RYR2: variants seen among roughly 807,000 people sequenced by gnomAD.
RYR2 encodes the protein cardiac muscle ryanodine receptor-calcium release channel.
A neutral mutation model predicts 601.1 loss-of-function variants in RYR2; 227 were observed. The ratio of observed to expected loss-of-function variants is 0.38; its 90% CI spans 0.34 to 0.42. The LOEUF is 0.42. RYR2 is among the 10% of genes least tolerant of loss of function. The probability of loss-of-function intolerance (pLI) is 1.00; values close to 1 mark genes in which losing one functional copy is unlikely to be tolerated. For synonymous variants in RYR2, 2,223 were observed against 2,175.1 expected (o/e 1.02, Z -0.61); for missense variants, 4,646 against 6,156.5 (o/e 0.75, Z 8.21).
intron 2 of RYR2, among the ~76,000 whole-genome samples, chr1:237,321,053 C>T (rs1695583956): frequency 6.6e-6 from 1 of 151,914 alleles, no homozygotes; most frequent in Non-Finnish European, 1.5e-5. Context: ...CTGATATGAC[C>T]TTGTGGAAGG....
At chr1:237,647,904 T>G (rs191948522) in intron 48 of RYR2, among the ~76,000 whole-genome samples, 20 of 152,362 alleles carry the variant, frequency 1.3e-4, no homozygotes, top group African/African-American at 4.6e-4. Flanking sequence ...GAAAGCAATA[T>G]GACCCTTAAA....
At chr1:237,089,447 A>G (rs1666712575) in intron 1 of RYR2, among the ~76,000 whole-genome samples, 1 of 152,218 alleles carries the variant, frequency 6.6e-6, no homozygotes, top group Non-Finnish European at 1.5e-5. Context: ...ACTAGTTCAG[A>G]TATGTCCCTA....
chr1:237,350,607 A>ATG (rs1698738835), intron 3 of RYR2, among the ~76,000 whole-genome samples: 3 of 85,686 alleles, frequency 3.5e-5, no homozygotes, highest in African/African-American at 1.5e-4. Context: ...AAAAAAATAT[A>ATG]TATATATATA....
At chr1:237,482,010 T>G (rs1289401081) in intron 17 of RYR2, among the ~76,000 whole-genome samples, 1 of 152,154 alleles carries the variant, frequency 6.6e-6, no homozygotes, top group Non-Finnish European at 1.5e-5. Flanking sequence ...TAGCATTTAT[T>G]AAACCCTAAG....
intron 1 of RYR2, among the ~76,000 whole-genome samples, chr1:237,203,682 C>T (rs1681452455): frequency 6.6e-6 from 1 of 152,060 alleles, no homozygotes; most frequent in Admixed American, 6.6e-5. Flanking sequence ...TTCATTAAAA[C>T]TGTAGTAAAA....
Position 237,284,693 on chromosome 1 carries a change from C to CACACACACAT in RYR2, c.168+14081_168+14082insACACATACAC, listed in dbSNP as rs1691339915. 1.3e-5 allele frequency among the ~76,000 whole-genome samples: 2 copies of CACACACACAT among 149,888 alleles called. 1 individual carries two copies. The highest frequency in any genetic ancestry group is 4.9e-5 in the African/African-American group (2 of 40,656). ...ATATATATATATATGTACACACACA[C>CACACACACAT]ACACCCATAAACACCCCCCCACACA... On this transcript the variant is annotated intron_variant, in intron 2 of 104. Coordinates refer to ENST00000366574, the MANE Select transcript of RYR2 (RefSeq NM_001035.3).
chr1:237,323,688 G>A (rs995065694), intron 2 of RYR2, among the ~76,000 whole-genome samples: 1 of 152,138 alleles, frequency 6.6e-6, no homozygotes, highest in Non-Finnish European at 1.5e-5. Flanking sequence ...CTGCTAAGTT[G>A]GCACAGCTGT....
intron 29 of RYR2, among the ~76,000 whole-genome samples, chr1:237,578,385 A>G (rs945993357): frequency 6.6e-6 from 1 of 152,166 alleles, no homozygotes; most frequent in South Asian, 2.1e-4. Context: ...GAACTCCCCA[A>G]GCAAAATGAA....
intron 12 of RYR2, among the ~76,000 whole-genome samples, chr1:237,430,712 G>T (rs1706717233): frequency 6.6e-6 from 1 of 152,114 alleles, no homozygotes; most frequent in Admixed American, 6.5e-5. Flanking sequence ...GCACATTTTT[G>T]ATTTGTTTAT....
Position 237,610,984 on chromosome 1 carries a change from A to C in RYR2, c.4906A>C (p.Asn1636His). ...CATGTCTCTTCATATCCCTGAGGAA[A>C]ACAGGTCAGCCCCAGTGAATCCCTG... ...QFMSLHIPEENRSVDILELTE... is the reference protein window; with the variant it reads ...QFMSLHIPEEHRSVDILELTE... Residue 1636 changes from asparagine to histidine, a missense_variant, in exon 36 of 105, where the codon AAC becomes CAC. Physicochemically the swap from Asn to His is moderately conservative, Grantham distance 68. Around this residue, in one of 17 missense-constraint regions of RYR2, gnomAD observed 1,807 missense variants for 2,088.1 expected, o/e 0.87. Coordinates refer to ENST00000366574, the MANE Select transcript of RYR2 (RefSeq NM_001035.3). The surrounding 1 kb of genome is among the most constrained non-coding windows in gnomAD (Gnocchi z 4.9). 6.2e-7 allele frequency: 1 copy of C among 1,611,174 alleles called. No homozygotes were observed. Among genetic ancestry groups the C allele is most frequent in the Non-Finnish European group, 8.5e-7 (1 of 1,178,568 alleles).
chr1:237,202,039 G>C (rs991270180), intron 1 of RYR2, among the ~76,000 whole-genome samples: 2 of 152,192 alleles, frequency 1.3e-5, no homozygotes, highest in African/African-American at 4.8e-5. Context: ...AGAGAAATGG[G>C]AGAAATAGGG....
chr1:237,443,082 T>C (rs1048675121), intron 13 of RYR2, among the ~76,000 whole-genome samples: 1 of 152,164 alleles, frequency 6.6e-6, no homozygotes, highest in Non-Finnish European at 1.5e-5. Context: ...CACAGTGTTC[T>C]CCCTGACCTT....
intron 56 of RYR2, among the ~76,000 whole-genome samples, chr1:237,661,567 T>A (rs1395304402): frequency 6.6e-6 from 1 of 152,156 alleles, no homozygotes; most frequent in Non-Finnish European, 1.5e-5. Context: ...AAACAGTACA[T>A]CATGTTCGTT....
chr1:237,356,377 C>A (rs1207441426), intron 4 of RYR2, among the ~76,000 whole-genome samples: 1 of 150,488 alleles, frequency 6.6e-6, no homozygotes, highest in Admixed American at 6.6e-5. Context: ...TATATTTCTG[C>A]ATGTACTGTA....
chr1:237,314,516 C>T (rs1694918553), intron 2 of RYR2, among the ~76,000 whole-genome samples: 1 of 152,148 alleles, frequency 6.6e-6, no homozygotes, highest in African/African-American at 2.4e-5. Context: ...TCCAGGTGCT[C>T]AGGTTGCTAA....
chr1:237,051,328 TC>T (rs1661255131), intron 1 of RYR2, among the ~76,000 whole-genome samples: 3 of 105,922 alleles, frequency 2.8e-5, no homozygotes, highest in African/African-American at 1.1e-4. Context: ...CTCCCTCCCC[TC>T]CCCTCCCCTC....
intron 1 of RYR2, among the ~76,000 whole-genome samples, chr1:237,062,829 CT>C (rs1663050494): frequency 6.6e-6 from 1 of 152,126 alleles, no homozygotes; most frequent in Admixed American, 6.6e-5. Flanking sequence ...TTTTATGATG[CT>C]TGCTGTGGTT....
At chr1:237,181,006 C>A (rs1678689250) in intron 1 of RYR2, among the ~76,000 whole-genome samples, 5 of 151,748 alleles carry the variant, frequency 3.3e-5, no homozygotes, top group Admixed American at 3.3e-4. Flanking sequence ...TTTTTTAAGA[C>A]AGAGCCTCAC....
chr1:237,121,030 C>CG (rs1553305020), intron 1 of RYR2: 1 of 147,966 alleles, frequency 6.8e-6, no homozygotes, highest in South Asian at 2.2e-4. Flanking sequence ...GTTTAAAATG[C>CG]TGTGTGTGTG....
Sources: allele counts gnomAD v4.1 joint callset (sites outside exome capture counted in the v4.1 genomes callset), GRCh38; gene constraint gnomAD v4.1.1; regional missense constraint gnomAD v4.1.1; non-coding constraint Gnocchi (gnomAD v3.1); transcripts MANE v1.5; gene names NCBI Gene and HGNC (gene_info 2026-07-23, HGNC 2026-07-21).